Variants in CDK14 observed in about 807,000 individuals in gnomAD.
The protein encoded by CDK14 is cyclin dependent kinase 14, also known as cyclin-dependent kinase 14.
In CDK14, 34 loss-of-function variants were observed where a neutral mutation model predicts 60.7. The observed-to-expected ratio is 0.56, with a 90% CI of 0.43 to 0.75. CDK14 has a LOEUF of 0.75. CDK14 is among the 30% of genes least tolerant of loss of function. The pLI is 0.00. For synonymous variants in CDK14, 197 were observed against 203.7 expected (o/e 0.97, Z 0.28); for missense variants, 482 against 564.1 (o/e 0.85, Z 1.47).
intron 5 of CDK14, among the ~76,000 whole-genome samples, chr7:90,811,622 C>A (rs1242712557): frequency 6.6e-6 from 1 of 150,796 alleles, no homozygotes; most frequent in Non-Finnish European, 1.5e-5. Context: ...CAAATGGGAT[C>A]TAATTAAACT....
chr7:90,877,759 G>T (rs1791610300), intron 6 of CDK14, among the ~76,000 whole-genome samples: 1 of 152,032 alleles, frequency 6.6e-6, no homozygotes, highest in African/African-American at 2.4e-5. Context: ...AAGCAATATG[G>T]GGAGAATATG....
At chr7:90,615,040 A>G (rs1309374828) in intron 2 of CDK14, among the ~76,000 whole-genome samples, 1 of 152,172 alleles carries the variant, frequency 6.6e-6, no homozygotes, top group African/African-American at 2.4e-5. Flanking sequence ...ATTTTTTAAT[A>G]ATGAAATTAA....
intron 12 of CDK14, among the ~76,000 whole-genome samples, chr7:91,102,814 T>G (rs1170556141): frequency 6.6e-6 from 1 of 152,074 alleles, no homozygotes; most frequent in East Asian, 1.9e-4. Flanking sequence ...ACATAAGATG[T>G]TTTTGCTCAA....
intron 5 of CDK14, among the ~76,000 whole-genome samples, chr7:90,850,125 C>G (rs1790602024): frequency 6.6e-6 from 1 of 151,974 alleles, no homozygotes; most frequent in East Asian, 1.9e-4. Context: ...TCTGTGACAT[C>G]TATAATCTCC....
chr7:91,183,430 C>A (rs1562986052), intron 14 of CDK14, among the ~76,000 whole-genome samples: 1 of 152,226 alleles, frequency 6.6e-6, no homozygotes, highest in Non-Finnish European at 1.5e-5. Context: ...CTCTAGCTCT[C>A]CTTTCATCTG....
intron 14 of CDK14, among the ~76,000 whole-genome samples, chr7:91,170,757 C>CT (rs534394498): frequency 0.035 from 4,849 of 139,676 alleles, 140 homozygotes; most frequent in South Asian, 0.092. Context: ...TGTTTTCAAT[C>CT]TTTTTTTTTT....
intron 6 of CDK14, among the ~76,000 whole-genome samples, chr7:90,884,410 A>G (rs976710153): frequency 5.3e-5 from 8 of 152,180 alleles, no homozygotes; most frequent in Non-Finnish European, 1.2e-4. Context: ...GGGAACTACA[A>G]ACCATTGCTC....
At chr7:91,159,820 T>C (rs1801111981) in intron 14 of CDK14, among the ~76,000 whole-genome samples, 1 of 152,142 alleles carries the variant, frequency 6.6e-6, no homozygotes, top group Non-Finnish European at 1.5e-5. Flanking sequence ...TTCTGGGGTA[T>C]GGCCATGGTG....
chr7:91,068,270 G>T (rs911302333), intron 11 of CDK14, among the ~76,000 whole-genome samples: 4 of 152,156 alleles, frequency 2.6e-5, no homozygotes, highest in African/African-American at 9.7e-5. Context: ...CCTTTTGCCT[G>T]TGTCTGTAGA....
chr7:90,999,769 C>T (rs770680875), intron 10 of CDK14, among the ~76,000 whole-genome samples: 4 of 152,056 alleles, frequency 2.6e-5, no homozygotes, highest in East Asian at 1.9e-4. Context: ...AATGCGATAC[C>T]GTATTATCAT....
At chr7:90,713,705 T>A (rs1467619966) in intron 2 of CDK14, among the ~76,000 whole-genome samples, 2 of 151,868 alleles carry the variant, frequency 1.3e-5, no homozygotes, top group African/African-American at 4.8e-5. Flanking sequence ...AAGTTGTTTT[T>A]TGTTTACTTC....
intron 2 of CDK14, among the ~76,000 whole-genome samples, chr7:90,716,145 T>A (rs1240824238): frequency 6.6e-6 from 1 of 151,992 alleles, no homozygotes; most frequent in Non-Finnish European, 1.5e-5. Context: ...TTTAATGTTT[T>A]TAGTGGAAAC....
intron 14 of CDK14, among the ~76,000 whole-genome samples, chr7:91,193,668 T>C (rs7783468): frequency 0.058 from 8,830 of 152,232 alleles, 389 homozygotes; most frequent in Admixed American, 0.14. Flanking sequence ...AATCTACATA[T>C]GTTTGAATTT....
At chr7:91,072,153 C>T (rs1005812077) in intron 11 of CDK14, among the ~76,000 whole-genome samples, 5 of 152,200 alleles carry the variant, frequency 3.3e-5, no homozygotes, top group African/African-American at 9.7e-5. Context: ...ACACCCCCTC[C>T]ACCAAGGGAC....
Position 90,684,673 on chromosome 7 carries a change from G to A in CDK14, c.124-41894G>A, listed in dbSNP as rs367707529. Among the ~76,000 whole-genome samples, 5 of 152,234 alleles carry A rather than the reference G, an allele frequency of 3.3e-5. No homozygotes were observed. The East Asian group carries it at 5.8e-4, about 18-fold the overall frequency. ...TCCTATTGTAGCCCATACTAAAGGG[G>A]AAGGGAATTAAGATCTGCCTTTTGA... On this transcript the variant is annotated intron_variant, in intron 2 of 14. Transcript: ENST00000380050.
intron 5 of CDK14, among the ~76,000 whole-genome samples, chr7:90,814,804 A>C (rs564830816): frequency 1.6e-4 from 25 of 152,332 alleles, no homozygotes; most frequent in African/African-American, 5.5e-4. Context: ...TTATTGAGTA[A>C]CTTATGCAGC....
At chr7:90,661,060 G>A (rs540363628) in intron 2 of CDK14, among the ~76,000 whole-genome samples, 81 of 152,234 alleles carry the variant, frequency 5.3e-4, no homozygotes, top group African/African-American at 1.9e-3. Flanking sequence ...TTTTAGAGAT[G>A]GAACAGACAT....
At chr7:90,997,696 G>A (rs1404553322) in intron 10 of CDK14, among the ~76,000 whole-genome samples, 1 of 151,946 alleles carries the variant, frequency 6.6e-6, no homozygotes, top group Non-Finnish European at 1.5e-5. Flanking sequence ...AACCTTTTTG[G>A]GAGAATAATA....
At chr7:91,103,168 G>A (rs532643438) in intron 12 of CDK14, among the ~76,000 whole-genome samples, 6 of 152,032 alleles carry the variant, frequency 3.9e-5, no homozygotes, top group South Asian at 4.2e-4. Context: ...CAGGAGAATC[G>A]CTGGAACCCA....
Sources: allele counts gnomAD v4.1 joint callset (sites outside exome capture counted in the v4.1 genomes callset), GRCh38; gene constraint gnomAD v4.1.1; transcripts MANE v1.5; gene names NCBI Gene and HGNC (gene_info 2026-07-23, HGNC 2026-07-21).